EML6: variants seen among roughly 807,000 people sequenced by gnomAD.
EML6 encodes the protein echinoderm microtubule-associated protein-like 6.
A neutral mutation model predicts 240.1 loss-of-function variants in EML6; 154 were observed. The ratio of observed to expected loss-of-function variants is 0.64; its 90% CI spans 0.56 to 0.73. EML6 has a LOEUF of 0.73. Ranked by LOEUF, EML6 falls within the 30% of genes least tolerant of loss-of-function variation. EML6 has a pLI of 0.00. For synonymous variants in EML6, 1,148 were observed against 899.0 expected, an observed-to-expected ratio of 1.28 and a Z score of -4.95; for missense variants, 2,964 against 2,474.6, an observed-to-expected ratio of 1.20 and a Z score of -4.20.
intron 26 of EML6, 38 bp from the exon 27 acceptor site, chr2:54,928,275 A>G (rs1674662736): frequency 6.8e-7 from 1 of 1,472,382 alleles, no homozygotes; most frequent in African/African-American, 1.4e-5. Context: ...GAAAGGAATA[A>G]CAGTGGCTGG....
At chr2:54,898,228 G>A (rs1016892714) in intron 21 of EML6, among the ~76,000 whole-genome samples, 4 of 151,980 alleles carry the variant, frequency 2.6e-5, no homozygotes, top group Non-Finnish European at 4.4e-5. Flanking sequence ...AGCCTGCCTC[G>A]CTTACTGTCC....
chr2:54,851,696 ATTTC>A lies in EML6; in HGVS notation c.1444+1481_1444+1484del, dbSNP rs555502947. ...ATCCAAGTCTTTTGCTTTATCTGTT[ATTTC>A]TTCTTTATTCCTGATCTTTGCCCAT... On this transcript the variant is annotated intron_variant, in intron 10 of 41. Transcript: ENST00000356458. Among the ~76,000 whole-genome samples the A allele has an allele frequency of 2.6e-5, 4 of 152,176 alleles. No individual in the cohort carries two copies. In the East Asian group the frequency reaches 5.8e-4, roughly 22 times the overall value.
chr2:54,959,368 C>A, intron 34 of EML6, 107 bp downstream of exon 34: 1 of 1,120,814 alleles, frequency 8.9e-7, no homozygotes, highest in Non-Finnish European at 1.2e-6. Context: ...ATCCTCCTAT[C>A]TTTTTTGCAT....
At chr2:54,790,924 A>G (rs1325084708) in intron 2 of EML6, among the ~76,000 whole-genome samples, 2 of 151,622 alleles carry the variant, frequency 1.3e-5, no homozygotes, top group East Asian at 1.9e-4. Flanking sequence ...ACGGGGTTTC[A>G]CCATGTTAGC....
At chr2:54,821,412 G>C (rs550244160) in intron 5 of EML6, among the ~76,000 whole-genome samples, 1 of 152,262 alleles carries the variant, frequency 6.6e-6, no homozygotes, top group South Asian at 2.1e-4. Context: ...CAAATGGAGT[G>C]ACAATGTTGA....
chr2:54,779,728 G>A (rs1668764070), intron 2 of EML6, among the ~76,000 whole-genome samples: 1 of 150,848 alleles, frequency 6.6e-6, no homozygotes, highest in Admixed American at 6.6e-5. Context: ...GGGGTATGGT[G>A]GTGTGTGCCT....
At position 54,928,294 on chromosome 2, in the gene EML6, C is replaced by T. The variant is rs756523441; in HGVS notation, c.3676-19C>T. Reference sequence around the variant, plus strand: ...GGAATAACAGTGGCTGGGGTAATAACCAATTTCGGGCTTTACAGGGACAGC... The same window carrying T: ...GGAATAACAGTGGCTGGGGTAATAATCAATTTCGGGCTTTACAGGGACAGC... On this transcript the variant is annotated intron_variant, in intron 26 of 41. Coordinates refer to ENST00000356458, the MANE Select transcript of EML6 (RefSeq NM_001039753.4). The T allele has an allele frequency of 6.5e-7, 1 of 1,546,356 alleles. No homozygotes were observed. Among genetic ancestry groups the T allele is most frequent in the African/African-American group, 1.4e-5 (1 of 72,854 alleles).
intron 28 of EML6, 121 bp downstream of exon 28, chr2:54,928,872 A>T (rs1195098857): frequency 1.7e-5 from 20 of 1,201,838 alleles, no homozygotes; most frequent in African/African-American, 3.0e-5. Context: ...ATAAATCTTC[A>T]CAGAGTCTTC....
At chr2:54,752,881 C>A (rs113453004) in intron 2 of EML6, among the ~76,000 whole-genome samples, 1 of 152,156 alleles carries the variant, frequency 6.6e-6, no homozygotes, top group African/African-American at 2.4e-5. Flanking sequence ...CTCTGCCTCC[C>A]AGGTTCAAGC....
chr2:54,785,170 CTTTTTTTT>C (rs57639955), intron 2 of EML6, among the ~76,000 whole-genome samples: 1 of 102,644 alleles, frequency 9.7e-6, no homozygotes, highest in Non-Finnish European at 1.9e-5. Flanking sequence ...CACACACACA[CTTTTTTTT>C]TTTTTTTTTT....
intron 17 of EML6, among the ~76,000 whole-genome samples, chr2:54,890,587 C>A (rs1029117546): frequency 2.0e-5 from 3 of 152,152 alleles, no homozygotes; most frequent in African/African-American, 7.2e-5. Context: ...CAATATGTTT[C>A]CAGCTGAAAA....
chr2:54,812,516 CA>C (rs1435891495), intron 2 of EML6, among the ~76,000 whole-genome samples: 1 of 94,226 alleles, frequency 1.1e-5, no homozygotes, highest in African/African-American at 4.0e-5. Flanking sequence ...GAATTTAAAA[CA>C]TTAGGGTGAT....
At chr2:54,960,160 A>AGG (rs58866010) in intron 34 of EML6, 60 bp from the exon 35 acceptor site, 1 of 1,223,064 alleles carries the variant, frequency 8.2e-7, no homozygotes, top group African/African-American at 1.5e-5. Flanking sequence ...AGAGGGCCGG[A>AGG]GGGGGTAGTG....
intron 15 of EML6, 76 bp downstream of exon 15, chr2:54,869,443 T>A: frequency 9.1e-7 from 1 of 1,102,848 alleles, no homozygotes; most frequent in Non-Finnish European, 1.3e-6. Context: ...TATTAGAAAT[T>A]CAAGAAATGC....
intron 12 of EML6, among the ~76,000 whole-genome samples, chr2:54,862,421 G>A (rs1670727552): frequency 6.9e-6 from 1 of 144,252 alleles, no homozygotes; most frequent in African/African-American, 2.6e-5. Flanking sequence ...AGGTTCAACA[G>A]CAGACTAGAT....
At chr2:54,917,121 A>G (rs894577230) in intron 26 of EML6, among the ~76,000 whole-genome samples, 186 bp downstream of exon 26, 2 of 152,316 alleles carry the variant, frequency 1.3e-5, no homozygotes, top group African/African-American at 2.4e-5. Context: ...TTCTCATGGC[A>G]TAGAATTCTA....
chr2:54,925,505 G>A (rs1212647134), intron 26 of EML6, among the ~76,000 whole-genome samples: 1 of 152,148 alleles, frequency 6.6e-6, no homozygotes, highest in East Asian at 1.9e-4. Context: ...TTTGTTGGCT[G>A]CTAAAATCAC....
At chr2:54,823,117 C>G (rs1295012772) in intron 5 of EML6, among the ~76,000 whole-genome samples, 1 of 152,148 alleles carries the variant, frequency 6.6e-6, no homozygotes, top group African/African-American at 2.4e-5. Context: ...AAAACAGACG[C>G]CACTTTCAAT....
intron 11 of EML6, among the ~76,000 whole-genome samples, 196 bp downstream of exon 11, chr2:54,854,051 C>T (rs1293665325): frequency 6.6e-6 from 1 of 152,042 alleles, no homozygotes; most frequent in Non-Finnish European, 1.5e-5. Context: ...TGTGGTTTTG[C>T]AAATTTAAGA....
Sources: allele counts gnomAD v4.1 joint callset (sites outside exome capture counted in the v4.1 genomes callset), GRCh38; gene constraint gnomAD v4.1.1; transcripts MANE v1.5; gene names NCBI Gene and HGNC (gene_info 2026-07-23, HGNC 2026-07-21).